The following LY6H variants were observed in gnomAD, a reference collection of about 807,000 sequenced individuals.
The protein encoded by LY6H is lymphocyte antigen 6 family member H, also known as lymphocyte antigen 6H.
A neutral mutation model predicts 14.6 loss-of-function variants in LY6H; 8 were observed. The observed-to-expected ratio is 0.55, with a 90% CI of 0.32 to 0.99. The LOEUF (loss-of-function observed/expected upper bound fraction) is 0.99. Ranked by LOEUF, LY6H falls within the 50% of genes least tolerant of loss-of-function variation. The pLI is 0.04. For synonymous variants in LY6H, 115 were observed against 97.2 expected, an observed-to-expected ratio of 1.18 and a Z score of -1.08; for missense variants, 196 against 219.6, an observed-to-expected ratio of 0.89 and a Z score of 0.68.
At chr8:143,158,659 A>G in intron 3 of LY6H, 144 bp downstream of exon 3, 1 of 1,243,572 alleles carries the variant, frequency 8.0e-7, no homozygotes, top group Non-Finnish European at 1.1e-6. Flanking sequence ...CCAAGGAGCC[A>G]GGGGGGGACA....
intron 2 of LY6H, chr8:143,159,350 G>A (rs2130624061): frequency 1.8e-6 from 1 of 553,664 alleles, no homozygotes; most frequent in Non-Finnish European, 3.1e-6. Flanking sequence ...GCTTCCGTGC[G>A]GGGCCAGCCG....
chr8:143,159,460 G>T, intron 2 of LY6H, 122 bp downstream of exon 2: 3 of 1,189,522 alleles, frequency 2.5e-6, no homozygotes, highest in Non-Finnish European at 3.3e-6. Flanking sequence ...TCCCGGAGGG[G>T]GCGTGGGCTC....
At chr8:143,158,955 G>C (rs774101576) in intron 2 of LY6H, 33 bp from the exon 3 acceptor site, 1 of 1,609,480 alleles carries the variant, frequency 6.2e-7, no homozygotes, top group East Asian at 2.2e-5. Flanking sequence ...GGTGACCAGA[G>C]GCACTGGGGT....
chr8:143,160,151 C>A, intron 1 of LY6H, 47 bp downstream of exon 1: 1 of 1,266,632 alleles, frequency 7.9e-7, no homozygotes, highest in Non-Finnish European at 9.9e-7. Context: ...GCGCTCACCG[C>A]GGATGGGGCG....
In LY6H at chr8:143,158,213, G is replaced by A. The variant is rs756092958; in HGVS notation, c.*37C>T. The A allele has an allele frequency of 7.7e-5, 115 of 1,496,506 alleles. No homozygotes were observed. The highest frequency in any genetic ancestry group is 1.0e-4 in the Non-Finnish European group (112 of 1,090,682). 92.7% of individuals were successfully genotyped at this position (1,496,506 alleles called of 1,614,324 possible). A position where few individuals can be genotyped will look rare whatever the true frequency, so the allele number is the denominator to read the frequency against. ...GGGAGAGGGCAGCCACAGGCTCAGGGGAGCAAGCTCAGAAGCCCCGTGGGA... is the reference window on the plus strand; with the variant it reads ...GGGAGAGGGCAGCCACAGGCTCAGGAGAGCAAGCTCAGAAGCCCCGTGGGA... On this transcript the variant is annotated 3_prime_UTR_variant, in exon 4 of 4. Transcript: ENST00000342752.
rs1003381823 is a variant in LY6H, at chr8:143,159,604, G to A, written c.108C>T (p.Ala36=). The change falls in exon 2 of 4, where the codon GCC becomes GCT. Residue 36 remains alanine (A), a synonymous_variant. Transcript: ENST00000342752. The part of the protein sequence containing the change: ...AMKGLGLALL[A]VLLCSAPAHG... ...CACCGGGCGCCGAGCACAGCAGGACGGCCAGCAGCGCCAGGCCGAGGCCCT... is the reference window on the plus strand; with the variant it reads ...CACCGGGCGCCGAGCACAGCAGGACAGCCAGCAGCGCCAGGCCGAGGCCCT... The A allele has an allele frequency of 6.7e-7, 1 of 1,497,856 alleles. No individual in the cohort carries two copies. Among genetic ancestry groups the A allele is most frequent in the African/African-American group, 1.5e-5 (1 of 68,756 alleles). 92.8% of individuals were successfully genotyped at this position (1,497,856 alleles called of 1,614,324 possible). A position where few individuals can be genotyped will look rare whatever the true frequency, so the allele number is the denominator to read the frequency against.
Position 143,160,172 on chromosome 8 carries a change from G to T in LY6H, c.2+26C>A, listed in dbSNP as rs750605048. On this transcript the variant is annotated intron_variant, in intron 1 of 3. Transcript: ENST00000342752. ...ACCGCGGATGGGGCGTGGAGCGCGG[G>T]CCTCGGGGTCGGGGGGCTCACTCAC... 5 of 1,281,056 alleles carry T rather than the reference G, an allele frequency of 3.9e-6. No homozygotes were observed. The East Asian group carries it at 1.4e-4, about 37-fold the overall frequency. 79.4% of individuals were successfully genotyped at this position (1,281,056 alleles called of 1,614,324 possible). A position where few individuals can be genotyped will look rare whatever the true frequency, so the allele number is the denominator to read the frequency against.
At chr8:143,159,449 G>T in intron 2 of LY6H, 133 bp downstream of exon 2, 1 of 1,083,016 alleles carries the variant, frequency 9.2e-7, no homozygotes, top group South Asian at 1.9e-5. Context: ...GGTCGCAGGG[G>T]TCCCGGAGGG....
At chr8:143,159,214 C>T (rs1035083665) in intron 2 of LY6H, 3 of 568,318 alleles carry the variant, frequency 5.3e-6, no homozygotes, top group Middle Eastern at 9.5e-4. Flanking sequence ...ACCGACAGTG[C>T]CCCCCTCACA....
chr8:143,159,882 T>A, intron 1 of LY6H, 173 bp from the exon 2 acceptor site: 1 of 1,137,762 alleles, frequency 8.8e-7, no homozygotes. Context: ...CCGGGAGACG[T>A]CTGGCCTCTG....
At position 143,157,982 on chromosome 8, in the gene LY6H, T is replaced by C. The variant is rs552840749; in HGVS notation, c.*268A>G. The C allele has an allele frequency of 1.1e-5, 5 of 464,590 alleles. No individual in the cohort carries two copies. The highest frequency in any genetic ancestry group is 1.9e-5 in the Non-Finnish European group (5 of 265,984). 28.8% of individuals were successfully genotyped at this position (464,590 alleles called of 1,614,324 possible). ...CTTCCAGCTGGGCTGTTGCTTCACT[T>C]CCCCTCCGGGACCTGGGGGTCCCCC... is the stretch of plus-strand genomic sequence containing the variant. On this transcript the variant is annotated 3_prime_UTR_variant, in exon 4 of 4. Coordinates refer to ENST00000342752, the MANE Select transcript of LY6H (RefSeq NM_001135655.2).
At chr8:143,160,654 G>A (rs1040248987), upstream of LY6H, 2 of 152,126 alleles carry the variant, frequency 1.3e-5, no homozygotes, top group African/African-American at 2.4e-5. Context: ...GACGCAGAGA[G>A]GGGGAGGTAC....
chr8:143,158,110 C>CG lies in LY6H; in HGVS notation c.*139dup. 1.6e-6 allele frequency: 1 copy of CG among 612,580 alleles called. No homozygotes were observed. The highest frequency in any genetic ancestry group is 2.0e-5 in the South Asian group (1 of 49,890). 37.9% of individuals were successfully genotyped at this position (612,580 alleles called of 1,614,324 possible). A position where few individuals can be genotyped will look rare whatever the true frequency, so the allele number is the denominator to read the frequency against. On this transcript the variant is annotated 3_prime_UTR_variant, in exon 4 of 4. Coordinates refer to ENST00000342752, the MANE Select transcript of LY6H (RefSeq NM_001135655.2). ...GCGGAGAGACAGGGAGGCTTCACGT[C>CG]GGGGGAGGAGTGAGAGCCACAGGCC...
intron 1 of LY6H, 71 bp downstream of exon 1, chr8:143,160,127 C>T (rs1815563731): frequency 2.4e-6 from 3 of 1,225,424 alleles, no homozygotes; most frequent in Middle Eastern, 3.0e-4. Flanking sequence ...CCTTGGCCTT[C>T]CGCGCGCGCC....
chr8:143,160,193 C>T lies in LY6H; in HGVS notation c.2+5G>A. Reference sequence around the variant, plus strand: ...GCGGGCCTCGGGGTCGGGGGGCTCACTCACATCCCGGGGGTGTCCGCACTC... The same window carrying T: ...GCGGGCCTCGGGGTCGGGGGGCTCATTCACATCCCGGGGGTGTCCGCACTC... On this transcript the variant is annotated splice_donor_5th_base_variant and intron_variant, in intron 1 of 3. Transcript: ENST00000342752. 1 of 1,285,280 alleles carries T rather than the reference C, an allele frequency of 7.8e-7. No homozygotes were observed. The highest frequency in any genetic ancestry group is 9.8e-7 in the Non-Finnish European group (1 of 1,015,732). The allele number at this position is 1,285,280 out of a possible 1,614,324, so 79.6% of individuals were successfully genotyped here. A position where few individuals can be genotyped will look rare whatever the true frequency, so the allele number is the denominator to read the frequency against.
upstream of LY6H, chr8:143,160,531 T>G (rs1586675047): frequency 6.6e-6 from 1 of 150,508 alleles, no homozygotes; most frequent in African/African-American, 2.4e-5. Flanking sequence ...CTCCCCAGCC[T>G]CCGCGGCCCC....
chr8:143,159,211 G>C, intron 2 of LY6H: 1 of 571,128 alleles, frequency 1.8e-6, no homozygotes, highest in South Asian at 2.1e-5. Context: ...CACACCGACA[G>C]TGCCCCCCTC....
At chr8:143,160,326 A>C (rs1586674891), upstream of LY6H, 8 of 706,178 alleles carry the variant, frequency 1.1e-5, no homozygotes, top group Non-Finnish European at 1.5e-5. Context: ...GCAGACGCGG[A>C]CCCCGCGCGA....
Position 143,160,201 on chromosome 8 carries a change from C to A in LY6H, c.-2G>T. 1 of 1,284,906 alleles carries A rather than the reference C, an allele frequency of 7.8e-7. No individual in the cohort carries two copies. The highest frequency in any genetic ancestry group is 9.8e-7 in the Non-Finnish European group (1 of 1,015,472). 79.6% of individuals were successfully genotyped at this position (1,284,906 alleles called of 1,614,324 possible). On this transcript the variant is annotated 5_prime_UTR_variant, in exon 1 of 4. Coordinates refer to ENST00000342752, the MANE Select transcript of LY6H (RefSeq NM_001135655.2). The stretch of plus-strand genomic sequence containing the variant: ...CGGGGTCGGGGGGCTCACTCACATC[C>A]CGGGGGTGTCCGCACTCCGGGCTCG...
Sources: allele counts gnomAD v4.1 joint callset, GRCh38; gene constraint gnomAD v4.1.1; transcripts MANE v1.5; gene names NCBI Gene and HGNC (gene_info 2026-07-23, HGNC 2026-07-21).